SAMMSON: variants seen among roughly 807,000 people sequenced by gnomAD.
The protein encoded by SAMMSON is long intergenic non-protein coding RNA 1212.
chr3:70,039,917 A>C (rs149799004), intron 3 of SAMMSON, among the ~76,000 whole-genome samples: 1 of 152,154 alleles, frequency 6.6e-6, no homozygotes, highest in Admixed American at 6.6e-5. Context: ...AATTAAATTT[A>C]TTTTAGTTGC....
At chr3:70,401,576 C>T (rs975919629) in intron 2 of SAMMSON, among the ~76,000 whole-genome samples, 2 of 149,252 alleles carry the variant, frequency 1.3e-5, no homozygotes, top group Middle Eastern at 3.4e-3. Flanking sequence ...TGCCAATTTC[C>T]AATACTACTT....
At chr3:70,243,677 C>T (rs529082434) in intron 4 of SAMMSON, among the ~76,000 whole-genome samples, 15 of 152,230 alleles carry the variant, frequency 9.9e-5, no homozygotes, top group Non-Finnish European at 1.5e-4. Context: ...CCTTCTCCAA[C>T]GTCTCCAGGT....
intron 7 of SAMMSON, among the ~76,000 whole-genome samples, chr3:70,320,184 A>T (rs1370572420): frequency 1.3e-5 from 2 of 152,064 alleles, no homozygotes; most frequent in African/African-American, 4.8e-5. Flanking sequence ...GATACTACAG[A>T]CATGATATAA....
At chr3:70,120,624 A>G (rs2067429028) in intron 4 of SAMMSON, 1 of 152,188 alleles carries the variant, frequency 6.6e-6, no homozygotes, top group Non-Finnish European at 1.5e-5. Context: ...TGCTCAAGCA[A>G]ATGTCCTTGG....
At chr3:70,064,289 C>G (rs2067201381) in intron 3 of SAMMSON, among the ~76,000 whole-genome samples, 1 of 152,080 alleles carries the variant, frequency 6.6e-6, no homozygotes, top group African/African-American at 2.4e-5. Context: ...TGAAATATAC[C>G]AAGTACGTAC....
At chr3:70,339,515 G>A (rs1012244705) in intron 7 of SAMMSON, among the ~76,000 whole-genome samples, 4 of 152,100 alleles carry the variant, frequency 2.6e-5, no homozygotes, top group African/African-American at 4.8e-5. Context: ...CTGACAAAGG[G>A]CTAATATCCA....
intron 3 of SAMMSON, among the ~76,000 whole-genome samples, chr3:70,020,904 A>T (rs1464975920): frequency 6.6e-6 from 1 of 152,156 alleles, no homozygotes; most frequent in Non-Finnish European, 1.5e-5. Flanking sequence ...TAGAATGTTT[A>T]AGCAAGTTTC....
chr3:70,248,900 T>C (rs959457770), intron 4 of SAMMSON, among the ~76,000 whole-genome samples: 1 of 152,150 alleles, frequency 6.6e-6, no homozygotes, highest in Admixed American at 6.6e-5. Context: ...GTAAATCTAC[T>C]TACCAGGAAA....
chr3:70,157,924 G>T (rs2067598053), intron 4 of SAMMSON, among the ~76,000 whole-genome samples: 1 of 152,046 alleles, frequency 6.6e-6, no homozygotes, highest in Admixed American at 6.6e-5. Context: ...TGACTCCAGA[G>T]CCCCCACTCT....
At chr3:70,248,433 G>T (rs887139656) in intron 4 of SAMMSON, among the ~76,000 whole-genome samples, 2 of 152,082 alleles carry the variant, frequency 1.3e-5, no homozygotes, top group Non-Finnish European at 2.9e-5. Flanking sequence ...ACACTGGTTT[G>T]AACTGGAGTG....
At position 70,374,039 on chromosome 3, in the gene SAMMSON, G is replaced by A. The variant is rs558185940; in HGVS notation, n.914-15535G>A. 2.5e-3 allele frequency among the ~76,000 whole-genome samples: 378 copies of A among 152,074 alleles called. 1 individual carries two copies. The highest frequency in any genetic ancestry group is 8.7e-3 in the African/African-American group (361 of 41,518). On this transcript the variant is annotated intron_variant and non_coding_transcript_variant, in intron 9 of 9. Coordinates refer to ENST00000642114, the Ensembl canonical transcript of SAMMSON. ...AAGCGATTCTCCTGTATCAGCCTCT[G>A]GAGTAGCTGCGATTAGAAGCATGTG...
chr3:70,166,181 C>T (rs2067636165), intron 4 of SAMMSON, among the ~76,000 whole-genome samples: 1 of 151,966 alleles, frequency 6.6e-6, no homozygotes, highest in Non-Finnish European at 1.5e-5. Flanking sequence ...TGAATTCCAG[C>T]TCTGCAGTAT....
At chr3:70,318,666 T>G (rs911164408) in intron 7 of SAMMSON, among the ~76,000 whole-genome samples, 1 of 152,082 alleles carries the variant, frequency 6.6e-6, no homozygotes, top group East Asian at 1.9e-4. Flanking sequence ...ATTTTCTTGA[T>G]TCTTCAAACA....
chr3:70,268,954 C>T (rs1439390285), intron 6 of SAMMSON, among the ~76,000 whole-genome samples: 2 of 151,860 alleles, frequency 1.3e-5, no homozygotes, highest in Non-Finnish European at 2.9e-5. Context: ...TTAGTGCTCT[C>T]CTTTGAACCA....
At chr3:70,338,691 C>T (rs1191749192) in intron 7 of SAMMSON, among the ~76,000 whole-genome samples, 2 of 152,108 alleles carry the variant, frequency 1.3e-5, no homozygotes, top group Non-Finnish European at 2.9e-5. Context: ...AACAAACTTA[C>T]AAGGGATATG....
intron 6 of SAMMSON, among the ~76,000 whole-genome samples, chr3:70,282,645 C>T (rs924876178): frequency 1.1e-4 from 17 of 152,280 alleles, no homozygotes; most frequent in African/African-American, 3.8e-4. Flanking sequence ...GGTTCTTGCC[C>T]TCATTTCATT....
At chr3:70,170,657 G>A (rs1181551700) in intron 4 of SAMMSON, among the ~76,000 whole-genome samples, 3 of 147,216 alleles carry the variant, frequency 2.0e-5, no homozygotes, top group Non-Finnish European at 4.5e-5. Flanking sequence ...CTAAACAGAG[G>A]TGAAAAATTT....
chr3:70,205,214 G>A (rs142804881), intron 4 of SAMMSON: 1 of 152,116 alleles, frequency 6.6e-6, no homozygotes, highest in Non-Finnish European at 1.5e-5. Flanking sequence ...TCAATATCTG[G>A]CAACTCTGGC....
At chr3:70,190,346 A>G (rs1382333518) in intron 4 of SAMMSON, among the ~76,000 whole-genome samples, 4 of 152,106 alleles carry the variant, frequency 2.6e-5, no homozygotes, top group Non-Finnish European at 4.4e-5. Flanking sequence ...TTTGTCCTGC[A>G]TGCTGCTGCC....
Sources: allele counts gnomAD v4.1 joint callset (sites outside exome capture counted in the v4.1 genomes callset), GRCh38; gene constraint gnomAD v4.1.1; transcripts MANE v1.5; gene names NCBI Gene and HGNC (gene_info 2026-07-23, HGNC 2026-07-21).